LEKR1: variants seen among roughly 807,000 people sequenced by gnomAD.
LEKR1 encodes the protein protein LEKR1.
In LEKR1, 59 loss-of-function variants were observed where a neutral mutation model predicts 72.4. That is an observed-to-expected ratio of 0.82 (90% CI 0.66 to 1.01). The LOEUF (loss-of-function observed/expected upper bound fraction) is 1.01. LEKR1 is among the 50% of genes least tolerant of loss of function. The pLI is 0.00. For synonymous variants in LEKR1, 257 were observed against 263.2 expected, an observed-to-expected ratio of 0.98 and a Z score of 0.23; for missense variants, 728 against 759.2, an observed-to-expected ratio of 0.96 and a Z score of 0.48.
At chr3:156,876,212 C>A in intron 3 of LEKR1, among the ~76,000 whole-genome samples, 1 of 152,170 alleles carries the variant, frequency 6.6e-6, no homozygotes, top group Non-Finnish European at 1.5e-5. Context: ...ATACCAGTAC[C>A]ATGCTGTTTT....
chr3:156,944,671 T>C (rs1373666885), intron 6 of LEKR1, among the ~76,000 whole-genome samples: 1 of 151,840 alleles, frequency 6.6e-6, no homozygotes, highest in African/African-American at 2.4e-5. Flanking sequence ...TATGCAAAAT[T>C]TGTCTTTCTC....
At position 157,038,811 on chromosome 3, in the gene LEKR1, C is replaced by G. The variant is rs112565473; in HGVS notation, c.1669-6529C>G. On this transcript the variant is annotated intron_variant, in intron 12 of 12. Coordinates refer to ENST00000356539, the MANE Select transcript of LEKR1 (RefSeq NM_001004316.3). ...GTATGTCCTCATAGATGTAGGGCAG[C>G]CTCCCCATGCAATGACATTAATACT... is the stretch of plus-strand genomic sequence containing the variant. Among the ~76,000 whole-genome samples, 226 of 152,286 alleles carry G rather than the reference C, an allele frequency of 1.5e-3. 1 individual carries two copies. The highest frequency in any genetic ancestry group is 5.2e-3 in the African/African-American group (217 of 41,564).
At chr3:156,911,955 C>G (rs1017147408) in intron 3 of LEKR1, among the ~76,000 whole-genome samples, 1 of 151,804 alleles carries the variant, frequency 6.6e-6, no homozygotes, top group Admixed American at 6.6e-5. Flanking sequence ...TGGCTTTGTT[C>G]TTTTTGCTAG....
chr3:157,032,125 C>T (rs145071275), intron 12 of LEKR1, among the ~76,000 whole-genome samples: 4 of 152,160 alleles, frequency 2.6e-5, no homozygotes, highest in African/African-American at 9.6e-5. Flanking sequence ...GAGAATAACA[C>T]TTATCAATAA....
At chr3:156,916,023 T>C (rs1322939568) in intron 3 of LEKR1, among the ~76,000 whole-genome samples, 1 of 152,228 alleles carries the variant, frequency 6.6e-6, no homozygotes, top group African/African-American at 2.4e-5. Flanking sequence ...AGGGAGTCTT[T>C]TCCCCATTGC....
At chr3:156,940,215 GA>G (rs890373051) in intron 5 of LEKR1, among the ~76,000 whole-genome samples, 1 of 152,096 alleles carries the variant, frequency 6.6e-6, no homozygotes, top group African/African-American at 2.4e-5. Flanking sequence ...AAATGAATAA[GA>G]TACTATCTAT....
chr3:156,939,332 TC>T (rs1337503646), intron 5 of LEKR1, among the ~76,000 whole-genome samples: 3 of 152,168 alleles, frequency 2.0e-5, no homozygotes, highest in African/African-American at 7.2e-5. Context: ...CTGGAACAGA[TC>T]CTTCCTTCAC....
At chr3:156,948,868 G>A (rs1288100426) in intron 6 of LEKR1, among the ~76,000 whole-genome samples, 1 of 151,484 alleles carries the variant, frequency 6.6e-6, no homozygotes, top group Non-Finnish European at 1.5e-5. Flanking sequence ...TCTGACTGGT[G>A]TGAGGTGATA....
chr3:156,968,509 A>G (rs1389904937), intron 6 of LEKR1, among the ~76,000 whole-genome samples: 2 of 152,194 alleles, frequency 1.3e-5, no homozygotes, highest in African/African-American at 4.8e-5. Flanking sequence ...TAAACCAACA[A>G]AGATCAAAAG....
intron 3 of LEKR1, among the ~76,000 whole-genome samples, chr3:156,873,559 C>A (rs1718211688): frequency 6.6e-6 from 1 of 151,740 alleles, no homozygotes; most frequent in Admixed American, 6.6e-5. Context: ...TGTATCTCTT[C>A]TTCATTTGTG....
At chr3:157,027,481 A>G (rs192758229) in intron 11 of LEKR1, among the ~76,000 whole-genome samples, 6 of 152,258 alleles carry the variant, frequency 3.9e-5, no homozygotes. Flanking sequence ...TCCCAAAGCC[A>G]ACCTAGTTAG....
chr3:156,995,545 A>G (rs1315851912), intron 9 of LEKR1, among the ~76,000 whole-genome samples: 2 of 152,216 alleles, frequency 1.3e-5, no homozygotes, highest in Non-Finnish European at 2.9e-5. Flanking sequence ...TAATAAAAAT[A>G]AAAATGACAG....
chr3:156,945,971 TG>T (rs1726639182), intron 6 of LEKR1, among the ~76,000 whole-genome samples: 1 of 151,820 alleles, frequency 6.6e-6, no homozygotes, highest in African/African-American at 2.4e-5. Flanking sequence ...GGATTATTTT[TG>T]TTATTTCTGT....
intron 7 of LEKR1, among the ~76,000 whole-genome samples, chr3:156,984,536 G>A (rs954801626): frequency 6.6e-6 from 1 of 152,068 alleles, no homozygotes; most frequent in Non-Finnish European, 1.5e-5. Context: ...AATTAGCCAG[G>A]CATGGTGGCA....
intron 3 of LEKR1, among the ~76,000 whole-genome samples, chr3:156,904,632 A>G (rs915403684): frequency 1.3e-5 from 2 of 150,360 alleles, no homozygotes; most frequent in African/African-American, 4.9e-5. Context: ...CTAGATATAT[A>G]TATGACAGGA....
At chr3:157,007,361 G>A (rs1297338194) in intron 9 of LEKR1, among the ~76,000 whole-genome samples, 2 of 152,144 alleles carry the variant, frequency 1.3e-5, no homozygotes, top group African/African-American at 4.8e-5. Flanking sequence ...TGAAAAAGAG[G>A]CACATTTCAG....
At chr3:156,991,155 G>A (rs1179472504) in intron 7 of LEKR1, among the ~76,000 whole-genome samples, 1 of 152,128 alleles carries the variant, frequency 6.6e-6, no homozygotes. Context: ...AGGAAAATCA[G>A]TGATTACAAT....
intron 2 of LEKR1, among the ~76,000 whole-genome samples, chr3:156,842,108 C>T (rs111640887): frequency 3.3e-5 from 5 of 152,334 alleles, no homozygotes; most frequent in African/African-American, 9.6e-5. Context: ...CCCATCCCCC[C>T]AGTCCATGGG....
intron 12 of LEKR1, among the ~76,000 whole-genome samples, chr3:157,033,277 A>G (rs1435916457): frequency 6.6e-6 from 1 of 152,234 alleles, no homozygotes; most frequent in Non-Finnish European, 1.5e-5. Context: ...AAGGAAAGCA[A>G]ATCAAAAGTT....
Sources: allele counts gnomAD v4.1 joint callset (sites outside exome capture counted in the v4.1 genomes callset), GRCh38; gene constraint gnomAD v4.1.1; transcripts MANE v1.5; gene names NCBI Gene and HGNC (gene_info 2026-07-23, HGNC 2026-07-21).